The following SLC9A7 variants were observed in gnomAD, a reference collection of about 807,000 sequenced individuals.
The protein encoded by SLC9A7 is sodium/hydrogen exchanger 7.
SLC9A7 carries 19 observed loss-of-function variants against 52.6 expected under a neutral mutation model. That is an observed-to-expected ratio of 0.36 (90% CI 0.25 to 0.53). SLC9A7 has a LOEUF of 0.53. Ranked by LOEUF, SLC9A7 falls within the 20% of genes least tolerant of loss-of-function variation. The pLI, the probability that SLC9A7 is intolerant of heterozygous loss-of-function variation, is 0.91. For missense variants in SLC9A7, 455 were observed against 597.9 expected, an observed-to-expected ratio of 0.76 and a Z score of 2.49; for synonymous variants, 226 against 252.1, an observed-to-expected ratio of 0.90 and a Z score of 0.98.
chrX:46,669,058 C>G, intron 5 of SLC9A7, among the ~76,000 whole-genome samples: 1 of 108,076 alleles, frequency 9.3e-6, no homozygotes, highest in Non-Finnish European at 1.9e-5. Flanking sequence ...GTCCCAGCTA[C>G]TCAGGACGCT....
At chrX:46,635,551 G>A (rs771985185) in intron 13 of SLC9A7, 38 bp downstream of exon 13, 1 of 1,078,806 alleles carries the variant, frequency 9.3e-7, no homozygotes, top group Admixed American at 2.2e-5. Flanking sequence ...AGAAAAGCCA[G>A]GCCCAGTTAA....
intron 1 of SLC9A7, among the ~76,000 whole-genome samples, chrX:46,736,067 T>G (rs1945117080): frequency 8.9e-6 from 1 of 111,905 alleles, no homozygotes; most frequent in Non-Finnish European, 1.9e-5. Flanking sequence ...CAGCTATTAC[T>G]TCTTCTAATA....
chrX:46,633,393 C>T (rs1943262811), intron 13 of SLC9A7, among the ~76,000 whole-genome samples: 1 of 62,123 alleles, frequency 1.6e-5, no homozygotes, highest in African/African-American at 6.1e-5. Flanking sequence ...AGATCGGGGC[C>T]GTGAGACACA....
At chrX:46,666,988 T>C (rs1162164793) in intron 5 of SLC9A7, among the ~76,000 whole-genome samples, 1 of 112,092 alleles carries the variant, frequency 8.9e-6, no homozygotes, top group Non-Finnish European at 1.9e-5. Flanking sequence ...AGAGTTCTCT[T>C]TGGAAACATG....
At chrX:46,626,139 T>TA (rs1417571194) in intron 14 of SLC9A7, among the ~76,000 whole-genome samples, 25 of 109,635 alleles carry the variant, frequency 2.3e-4, no homozygotes, top group East Asian at 8.6e-4. Context: ...CTCTGTCCCT[T>TA]AAAAAAAAAC....
rs1942737080 is a variant in SLC9A7, at chrX:46,605,989, A to AC, written c.*962dup. On this transcript the variant is annotated 3_prime_UTR_variant, in exon 17 of 17. Transcript: ENST00000616978. ...GGCAACATGGTGAAACCCCATCTCTACCAAAAATACAAAAAATTAGCTGGG... is the reference window on the plus strand; with the variant it reads ...GGCAACATGGTGAAACCCCATCTCTACCCAAAAATACAAAAAATTAGCTGGG... 1 of 111,399 alleles carries AC rather than the reference A, an allele frequency of 9.0e-6. No homozygotes were observed. Among genetic ancestry groups the AC allele is most frequent in the Non-Finnish European group, 1.9e-5 (1 of 53,485 alleles). The allele number at this position is 111,399 out of a possible 1,213,427, so 9.2% of individuals were successfully genotyped here.
chrX:46,711,726 A>G, intron 1 of SLC9A7, among the ~76,000 whole-genome samples: 1 of 110,582 alleles, frequency 9.0e-6, no homozygotes, highest in South Asian at 4.0e-4. Context: ...TCAGTGCATA[A>G]GTATTCCTGG....
chrX:46,669,883 T>C (rs1054698788), intron 4 of SLC9A7, among the ~76,000 whole-genome samples, 164 bp from the exon 5 acceptor site: 2 of 112,431 alleles, frequency 1.8e-5, no homozygotes, highest in African/African-American at 6.5e-5. Flanking sequence ...GACTTTGGCA[T>C]CAAGTAATAG....
chrX:46,741,770 A>G (rs111632352), intron 1 of SLC9A7, among the ~76,000 whole-genome samples: 2,825 of 110,755 alleles, frequency 0.026, 39 homozygotes, highest in Non-Finnish European at 0.039. Context: ...AGCATGATAA[A>G]TAAAAGTTGA....
chrX:46,674,052 C>A (rs139054146), intron 3 of SLC9A7, among the ~76,000 whole-genome samples: 1 of 111,642 alleles, frequency 9.0e-6, no homozygotes, highest in East Asian at 2.8e-4. Flanking sequence ...TTTAAAATCT[C>A]CATAAAGGGC....
intron 1 of SLC9A7, among the ~76,000 whole-genome samples, chrX:46,744,645 A>G (rs1201934182): frequency 8.9e-6 from 1 of 112,053 alleles, no homozygotes; most frequent in Non-Finnish European, 1.9e-5. Context: ...TTGAAAGACT[A>G]CCTCTGGGAC....
At chrX:46,688,597 CA>C (rs763251903) in intron 1 of SLC9A7, among the ~76,000 whole-genome samples, 1,805 of 35,577 alleles carry the variant, frequency 0.051, 50 homozygotes, top group African/African-American at 0.13. Context: ...AACTCCGCCT[CA>C]AAAAAAAAAA....
intron 14 of SLC9A7, among the ~76,000 whole-genome samples, chrX:46,625,278 T>G (rs974787778): frequency 9.4e-6 from 1 of 106,092 alleles, no homozygotes; most frequent in Admixed American, 1.0e-4. Context: ...GAGCATGTGG[T>G]AGGCAGAATA....
At chrX:46,617,135 CTTTT>C (rs1208558532) in intron 15 of SLC9A7, among the ~76,000 whole-genome samples, 1 of 110,526 alleles carries the variant, frequency 9.0e-6, no homozygotes, top group African/African-American at 3.3e-5. Flanking sequence ...AATTATTGGA[CTTTT>C]TTTTTCTCAA....
intron 1 of SLC9A7, among the ~76,000 whole-genome samples, chrX:46,695,893 G>A (rs1269832064): frequency 9.0e-6 from 1 of 111,079 alleles, no homozygotes; most frequent in African/African-American, 3.3e-5. Context: ...AACAAGAGTT[G>A]GTATCCCACT....
intron 1 of SLC9A7, among the ~76,000 whole-genome samples, chrX:46,691,847 G>A (rs754326440): frequency 1.1e-3 from 117 of 111,300 alleles, no homozygotes; most frequent in Non-Finnish European, 1.9e-3. Context: ...CCAGGTGCCT[G>A]TAAAATGAGC....
At chrX:46,631,188 A>C (rs1187726057) in intron 14 of SLC9A7, among the ~76,000 whole-genome samples, 1 of 112,596 alleles carries the variant, frequency 8.9e-6, no homozygotes, top group African/African-American at 3.2e-5. Flanking sequence ...GAATGCCTTC[A>C]GGCACCTGAT....
intron 14 of SLC9A7, among the ~76,000 whole-genome samples, chrX:46,629,679 T>A (rs1033586489): frequency 6.2e-5 from 7 of 112,049 alleles, no homozygotes; most frequent in Non-Finnish European, 1.3e-4. Context: ...TGGCCTTTTT[T>A]TCTTACAAAA....
In SLC9A7 at chrX:46,643,401, AAAG is replaced by A. The variant is rs200840210; in HGVS notation, c.1463-15_1463-13del. On this transcript the variant is annotated splice_polypyrimidine_tract_variant and intron_variant, in intron 11 of 16. Coordinates refer to ENST00000616978, the MANE Select transcript of SLC9A7 (RefSeq NM_001257291.2). ...TGCTCCCCTGAGGCCTGCGGGGACC[AAAG>A]AAGAAGATCTACTTATAAGGATTAA... 69,438 of 1,196,803 alleles carry A rather than the reference AAAG, an allele frequency of 0.058. 1,653 individuals carry two copies. The highest frequency in any genetic ancestry group is 0.069 in the Non-Finnish European group (61,328 of 884,583).
Sources: allele counts gnomAD v4.1 joint callset (sites outside exome capture counted in the v4.1 genomes callset), GRCh38; gene constraint gnomAD v4.1.1; transcripts MANE v1.5; gene names NCBI Gene and HGNC (gene_info 2026-07-23, HGNC 2026-07-21).